The following ELAPOR1 variants were observed in gnomAD, a reference collection of about 807,000 sequenced individuals.
ELAPOR1 encodes endosome/lysosome-associated apoptosis and autophagy regulator 1.
A neutral mutation model predicts 119.7 loss-of-function variants in ELAPOR1; 77 were observed. The ratio of observed to expected loss-of-function variants is 0.64; its 90% CI spans 0.54 to 0.78. The LOEUF is 0.78. ELAPOR1 is among the 30% of genes least tolerant of loss of function. ELAPOR1 has a pLI of 0.00. For synonymous variants in ELAPOR1, 481 were observed against 487.2 expected, an observed-to-expected ratio of 0.99 and a Z score of 0.17; for missense variants, 1,115 against 1,270.4, an observed-to-expected ratio of 0.88 and a Z score of 1.86.
chr1:109,173,289 C>T (rs1297639999), intron 5 of ELAPOR1, among the ~76,000 whole-genome samples, 185 bp from the exon 6 acceptor site: 1 of 151,776 alleles, frequency 6.6e-6, no homozygotes, highest in Non-Finnish European at 1.5e-5. Context: ...TAAGAGGAGG[C>T]TTAGAAAGAG....
chr1:109,168,028 GC>G (rs1353989791), intron 3 of ELAPOR1, among the ~76,000 whole-genome samples: 1 of 151,914 alleles, frequency 6.6e-6, no homozygotes, highest in Non-Finnish European at 1.5e-5. Context: ...CTGCTGCCCT[GC>G]CCCCTGCCCT....
chr1:109,200,202 C>G lies in ELAPOR1; in HGVS notation c.2772C>G (p.Thr924=). The G allele has an allele frequency of 6.2e-7, 1 of 1,614,160 alleles. No homozygotes were observed. The highest frequency in any genetic ancestry group is 1.3e-5 in the African/African-American group (1 of 75,034). ...GCACCTGTACTGCCATCCTGCTCAC[C>G]GTCTTGACCTGCTACTTTTGGAAAA... The part of the protein sequence containing the change: ...SAGTCTAILL[T]VLTCYFWKKN... The change falls in exon 20 of 22, where the codon ACC becomes ACG. Residue 924 remains threonine (T), a synonymous_variant. Coordinates refer to ENST00000369939, the MANE Select transcript of ELAPOR1 (RefSeq NM_020775.5).
chr1:109,158,130 C>T (rs573523461), intron 1 of ELAPOR1, among the ~76,000 whole-genome samples: 7 of 152,098 alleles, frequency 4.6e-5, no homozygotes, highest in East Asian at 1.9e-4. Flanking sequence ...TCAAGTAATT[C>T]GCCCACCTTG....
At position 109,143,921 on chromosome 1, in the gene ELAPOR1, A is replaced by G. The variant is rs1035615700; in HGVS notation, c.154-17973A>G. On this transcript the variant is annotated intron_variant, in intron 1 of 21. Transcript: ENST00000369939. ...AGCAATCCACCCGCCTCAGCTTCCCAAAGTGCTGGGATTATAGGTGTGAGC... is the reference window on the plus strand; with the variant it reads ...AGCAATCCACCCGCCTCAGCTTCCCGAAGTGCTGGGATTATAGGTGTGAGC... 7.3e-5 allele frequency among the ~76,000 whole-genome samples: 11 copies of G among 151,528 alleles called. No homozygotes were observed. In the East Asian group the frequency reaches 1.6e-3, roughly 21 times the overall value.
Position 109,200,666 on chromosome 1 carries a change from C to T in ELAPOR1, c.2808-69C>T, listed in dbSNP as rs1654111429. 3 of 1,483,764 alleles carry T rather than the reference C, an allele frequency of 2.0e-6. No individual in the cohort carries two copies. The South Asian group carries it at 3.7e-5, about 18-fold the overall frequency. 91.9% of individuals were successfully genotyped at this position (1,483,764 alleles called of 1,614,324 possible). On this transcript the variant is annotated intron_variant, in intron 20 of 21. Transcript: ENST00000369939. The stretch of plus-strand genomic sequence containing the variant: ...GGAATAGGACCTGTTCATAGCCTAA[C>T]CTCTCTACCTCTTTCCCCCTTATTC...
At chr1:109,187,089 A>G (rs1230431101) in intron 8 of ELAPOR1, 4 of 985,396 alleles carry the variant, frequency 4.1e-6, no homozygotes, top group East Asian at 2.3e-4. Flanking sequence ...TCTTCTGAAC[A>G]GTATTTTAAA....
At chr1:109,164,329 T>C (rs1276202597) in intron 2 of ELAPOR1, among the ~76,000 whole-genome samples, 170 bp from the exon 3 acceptor site, 1 of 152,154 alleles carries the variant, frequency 6.6e-6, no homozygotes, top group Non-Finnish European at 1.5e-5. Flanking sequence ...AAAAAATTTT[T>C]TTAAGAAAAA....
intron 14 of ELAPOR1, 151 bp downstream of exon 14, chr1:109,193,025 A>G (rs749258532): frequency 3.6e-6 from 3 of 828,478 alleles, no homozygotes; most frequent in Non-Finnish European, 5.7e-6. Flanking sequence ...ACACCCATCC[A>G]GGCTGTGACT....
At position 109,197,776 on chromosome 1, in the gene ELAPOR1, A is replaced by G. The variant is rs572228966; in HGVS notation, c.2302+122A>G. 175 of 1,123,092 alleles carry G rather than the reference A, an allele frequency of 1.6e-4. 3 individuals carry two copies. In the South Asian group the frequency reaches 2.6e-3, roughly 17 times the overall value. The allele number at this position is 1,123,092 out of a possible 1,614,324, so 69.6% of individuals were successfully genotyped here. On this transcript the variant is annotated intron_variant, in intron 16 of 21. Transcript: ENST00000369939. ...TAAAAGGCCCCACATGAGGGGCCCAACCTCTTGACCTGTGTTTTCTATTCC... is the reference window on the plus strand; with the variant it reads ...TAAAAGGCCCCACATGAGGGGCCCAGCCTCTTGACCTGTGTTTTCTATTCC...
intron 20 of ELAPOR1, 139 bp downstream of exon 20, chr1:109,200,376 T>C: frequency 2.0e-6 from 2 of 997,342 alleles, no homozygotes; most frequent in Non-Finnish European, 1.5e-6. Context: ...CATGGTTTGG[T>C]TATCCTGACT....
chr1:109,185,115 C>G lies in ELAPOR1; in HGVS notation c.1023C>G (p.Ala341=). ...TDKDYFYTHT[A]CDANGETQLM... is the part of the protein sequence containing the mutation. ...AAGATTATTTCTACACACACACGGC[C>G]TGCGATGCCAACGGAGAGGTGGGTA... Residue 341 remains alanine, a synonymous_variant, in exon 8 of 22, where the codon GCC becomes GCG. Transcript: ENST00000369939. 1 of 1,613,954 alleles carries G rather than the reference C, an allele frequency of 6.2e-7. No homozygotes were observed. Among genetic ancestry groups the G allele is most frequent in the Non-Finnish European group, 8.5e-7 (1 of 1,179,818 alleles).
At position 109,164,483 on chromosome 1, in the gene ELAPOR1, C is replaced by T. The variant is rs777633708; in HGVS notation, c.275-16C>T. ...GTGACCTCACTGCCCCACCTTGTCT[C>T]TGCCCTGTTTTCCAGCCTTCTCCTG... On this transcript the variant is annotated splice_polypyrimidine_tract_variant and intron_variant, in intron 2 of 21. Coordinates refer to ENST00000369939, the MANE Select transcript of ELAPOR1 (RefSeq NM_020775.5). The T allele has an allele frequency of 6.3e-7, 1 of 1,598,986 alleles. No homozygotes were observed. The highest frequency in any genetic ancestry group is 1.3e-5 in the African/African-American group (1 of 74,816).
intron 15 of ELAPOR1, 129 bp from the exon 16 acceptor site, chr1:109,197,345 T>C: frequency 1.3e-6 from 1 of 757,688 alleles, no homozygotes. Context: ...CTGGGATGAA[T>C]CATTCCCCTA....
chr1:109,179,497 G>C (rs1044606355), intron 7 of ELAPOR1, among the ~76,000 whole-genome samples: 1 of 152,116 alleles, frequency 6.6e-6, no homozygotes, highest in Non-Finnish European at 1.5e-5. Context: ...AGATTAGGTG[G>C]CGAGAAGTTG....
intron 1 of ELAPOR1, among the ~76,000 whole-genome samples, chr1:109,142,912 C>A (rs1649917384): frequency 6.6e-6 from 1 of 151,662 alleles, no homozygotes; most frequent in Non-Finnish European, 1.5e-5. Flanking sequence ...TGTCCATCAA[C>A]TGATGAATGG....
intron 1 of ELAPOR1, among the ~76,000 whole-genome samples, chr1:109,126,071 A>C (rs182185566): frequency 7.2e-4 from 110 of 152,318 alleles, no homozygotes; most frequent in African/African-American, 2.6e-3. Context: ...CTCACAAATA[A>C]CCATTCCAAT....
intron 1 of ELAPOR1, among the ~76,000 whole-genome samples, chr1:109,116,580 A>G (rs1471528080): frequency 6.6e-6 from 1 of 152,084 alleles, no homozygotes; most frequent in Non-Finnish European, 1.5e-5. Context: ...ACCCATTATT[A>G]TAGTATTCAT....
chr1:109,138,396 A>G (rs1649609431), intron 1 of ELAPOR1, among the ~76,000 whole-genome samples: 1 of 152,130 alleles, frequency 6.6e-6, no homozygotes, highest in African/African-American at 2.4e-5. Flanking sequence ...TCACTGGCAC[A>G]GTTTTCATTT....
chr1:109,130,520 TA>T (rs1438355256), intron 1 of ELAPOR1, among the ~76,000 whole-genome samples: 1 of 151,504 alleles, frequency 6.6e-6, no homozygotes, highest in Non-Finnish European at 1.5e-5. Context: ...TATTTATTTT[TA>T]TTGAAAATAG....
Sources: gnomAD v4.1 joint callset for allele counts (sites outside exome capture counted in the v4.1 genomes callset) on GRCh38, gnomAD v4.1.1 for gene constraint, MANE v1.5 for transcripts, NCBI Gene and HGNC (gene_info 2026-07-23, HGNC 2026-07-21) for gene names.